The following MS4A1 variants were observed in gnomAD, a reference collection of about 807,000 sequenced individuals.
The protein encoded by MS4A1 is membrane spanning 4-domains A1, also known as B-lymphocyte antigen CD20.
A neutral mutation model predicts 26.5 loss-of-function variants in MS4A1; 16 were observed. The observed-to-expected ratio is 0.60, with a 90% CI of 0.41 to 0.92. The LOEUF (loss-of-function observed/expected upper bound fraction) is 0.92. MS4A1 is among the 40% of genes least tolerant of loss of function. The pLI, the probability that MS4A1 is intolerant of heterozygous loss-of-function variation, is 0.00. For synonymous variants in MS4A1, 128 were observed against 117.6 expected, an observed-to-expected ratio of 1.09 and a Z score of -0.57; for missense variants, 350 against 353.0, an observed-to-expected ratio of 0.99 and a Z score of 0.07.
intron 1 of MS4A1, among the ~76,000 whole-genome samples, chr11:60,460,033 T>C (rs1590843234): frequency 6.6e-6 from 1 of 151,960 alleles, no homozygotes; most frequent in Admixed American, 6.6e-5. Context: ...ATTGCTTGAG[T>C]CCAGGAGTTC....
chr11:60,470,507 A>G lies in MS4A1; in HGVS notation c.*2039A>G, dbSNP rs927810195. On this transcript the variant is annotated 3_prime_UTR_variant, in exon 8 of 8. Coordinates refer to ENST00000345732, the MANE Select transcript of MS4A1 (RefSeq NM_152866.3). ...AATAATTAGTTTTAGCTGACCTCAC[A>G]TAACTCCTTATAATAGGAGACATCT... The G allele has an allele frequency of 6.6e-6, 1 of 152,018 alleles. No homozygotes were observed. Among genetic ancestry groups the G allele is most frequent in the Non-Finnish European group, 1.5e-5 (1 of 67,900 alleles). The allele number at this position is 152,018 out of a possible 1,614,324, so 9.4% of individuals were successfully genotyped here.
At chr11:60,466,649 G>A (rs1308718116) in intron 6 of MS4A1, 1 of 401,868 alleles carries the variant, frequency 2.5e-6, no homozygotes, top group African/African-American at 2.0e-5. Context: ...AACTAAGGCT[G>A]AATACAATTT....
intron 4 of MS4A1, 26 bp from the exon 5 acceptor site, chr11:60,464,262 A>G (rs200839432): frequency 8.1e-7 from 1 of 1,233,354 alleles, no homozygotes; most frequent in Non-Finnish European, 1.1e-6. Flanking sequence ...CCCCCTCTCC[A>G]TCTCCCCCAC....
chr11:60,464,441 C>T (rs2086274350), intron 5 of MS4A1, 97 bp downstream of exon 5: 4 of 1,039,262 alleles, frequency 3.8e-6, no homozygotes, highest in South Asian at 1.3e-5. Context: ...GTATCACAGC[C>T]TCTCAGCCCT....
At chr11:60,465,293 T>C (rs4633490) in intron 5 of MS4A1, among the ~76,000 whole-genome samples, 86,548 of 152,180 alleles carry the variant, frequency 0.57, 24,765 homozygotes, top group East Asian at 0.65. Context: ...CACTGATATT[T>C]TCTTACCTAT....
intron 7 of MS4A1, 30 bp downstream of exon 7, chr11:60,467,090 C>A: frequency 6.5e-7 from 1 of 1,549,822 alleles, no homozygotes; most frequent in South Asian, 1.1e-5. Flanking sequence ...GCCAAAACCT[C>A]CCTCTAGAAA....
Position 60,468,232 on chromosome 11 carries a change from T to C in MS4A1, c.676-18T>C, listed in dbSNP as rs759039918. Reference sequence around the variant, plus strand: ...AGTGGTAAAAGTAAAGAATGGTTTGTTTAATTTTCTGTTTTAGAACATAGT... The same window carrying C: ...AGTGGTAAAAGTAAAGAATGGTTTGCTTAATTTTCTGTTTTAGAACATAGT... On this transcript the variant is annotated intron_variant, in intron 7 of 7. Transcript: ENST00000345732. 5.1e-6 allele frequency: 8 copies of C among 1,581,496 alleles called. No individual in the cohort carries two copies. Among genetic ancestry groups the C allele is most frequent in the Middle Eastern group, 1.7e-4 (1 of 5,954 alleles).
intron 7 of MS4A1, among the ~76,000 whole-genome samples, chr11:60,467,524 C>A (rs1442503701): frequency 6.6e-6 from 1 of 152,054 alleles, no homozygotes. Flanking sequence ...GATCCTCCCA[C>A]CTCAGCCTCC....
intron 5 of MS4A1, among the ~76,000 whole-genome samples, chr11:60,464,859 C>T (rs1029356352): frequency 7.2e-5 from 11 of 152,166 alleles, no homozygotes; most frequent in Non-Finnish European, 1.2e-4. Context: ...TAAAGTACTA[C>T]ACTGTGGTCT....
At chr11:60,458,090 C>G (rs2086218530) in intron 1 of MS4A1, 1 of 152,192 alleles carries the variant, frequency 6.6e-6, no homozygotes, top group South Asian at 2.1e-4. Context: ...GGGACTAACT[C>G]TGTCTGCTAC....
In MS4A1 at chr11:60,462,169, C is replaced by T. The variant is rs2086252921; in HGVS notation, c.-190-16C>T. 1 of 673,228 alleles carries T rather than the reference C, an allele frequency of 1.5e-6. No homozygotes were observed. The highest frequency in any genetic ancestry group is 2.7e-6 in the Non-Finnish European group (1 of 368,828). The allele number at this position is 673,228 out of a possible 1,614,324, so 41.7% of individuals were successfully genotyped here. A position where few individuals can be genotyped will look rare whatever the true frequency, so the allele number is the denominator to read the frequency against. ...CACATGCTCTTCCTAAACAACCCCT[C>T]CATCTCCTTTCTCAGAACTCAGCAG... On this transcript the variant is annotated splice_polypyrimidine_tract_variant and intron_variant, in intron 2 of 7. Coordinates refer to ENST00000345732, the MANE Select transcript of MS4A1 (RefSeq NM_152866.3).
At chr11:60,466,513 T>C (rs2135202369) in intron 6 of MS4A1, 1 of 339,724 alleles carries the variant, frequency 2.9e-6, no homozygotes, top group Non-Finnish European at 5.5e-6. Context: ...AAGATGAGCA[T>C]AGAAGAAATT....
intron 4 of MS4A1, among the ~76,000 whole-genome samples, chr11:60,463,593 C>T (rs7126354): frequency 0.64 from 97,332 of 152,068 alleles, 31,295 homozygotes; most frequent in Admixed American, 0.7. Flanking sequence ...GGCTGTTTTA[C>T]GTACATGTTT....
chr11:60,464,663 T>C (rs2086276117), intron 5 of MS4A1, among the ~76,000 whole-genome samples: 1 of 152,218 alleles, frequency 6.6e-6, no homozygotes, highest in Non-Finnish European at 1.5e-5. Flanking sequence ...AGGAAAATTA[T>C]CTGATCAATG....
chr11:60,464,973 A>C (rs569536321), intron 5 of MS4A1, among the ~76,000 whole-genome samples: 3 of 152,318 alleles, frequency 2.0e-5, no homozygotes, highest in African/African-American at 7.2e-5. Flanking sequence ...GTTCGCTCCC[A>C]AAAAATTCCT....
In MS4A1 at chr11:60,458,703, C is replaced by T. The variant is rs532807472; in HGVS notation, c.-279-2369C>T. Among the ~76,000 whole-genome samples the T allele has an allele frequency of 2.5e-4, 38 of 152,204 alleles. No individual in the cohort carries two copies. The South Asian group carries it at 7.3e-3, about 29-fold the overall frequency. On this transcript the variant is annotated intron_variant, in intron 1 of 7. Coordinates refer to ENST00000345732, the MANE Select transcript of MS4A1 (RefSeq NM_152866.3). The stretch of plus-strand genomic sequence containing the variant: ...TGCGAGAATCTCCAATCTCCGTAGG[C>T]GAGTTTTATGTATTTATGAATTCTC...
rs2086312723 is a variant in MS4A1 at position 60,468,347 on chromosome 11, A to G, written c.773A>G (p.Asn258Ser). 6.2e-7 allele frequency: 1 copy of G among 1,614,020 alleles called. No individual in the cohort carries two copies. Among genetic ancestry groups the G allele is most frequent in the Non-Finnish European group, 8.5e-7 (1 of 1,179,978 alleles). ...GLTETSSQPK[N>S]EEDIEIIPIQ... ...ACTGAAACATCTTCCCAACCAAAGA[A>G]TGAAGAAGACATTGAAATTATTCCA... The change falls in exon 8 of 8, where the codon AAT becomes AGT. Residue 258 changes from asparagine (N) to serine (S), a missense_variant. By Grantham distance (46) the Asn-to-Ser change is conservative (BLOSUM62 1). Coordinates refer to ENST00000345732, the MANE Select transcript of MS4A1 (RefSeq NM_152866.3).
chr11:60,464,451 T>TA (rs2086274517), intron 5 of MS4A1, 107 bp downstream of exon 5: 2 of 957,022 alleles, frequency 2.1e-6, no homozygotes, highest in East Asian at 2.4e-5. Flanking sequence ...CTCTCAGCCC[T>TA]AAAAAGCAAA....
At chr11:60,466,246 C>T (rs954139316) in intron 6 of MS4A1, 89 bp downstream of exon 6, 1 of 1,067,566 alleles carries the variant, frequency 9.4e-7, no homozygotes, top group Non-Finnish European at 1.5e-6. Context: ...TGGATCCAGA[C>T]CACCTGAGTT....
Sources: allele counts gnomAD v4.1 joint callset (sites outside exome capture counted in the v4.1 genomes callset), GRCh38; gene constraint gnomAD v4.1.1; transcripts MANE v1.5; gene names NCBI Gene and HGNC (gene_info 2026-07-23, HGNC 2026-07-21).